The following PKIB variants were observed in gnomAD, a reference collection of about 807,000 sequenced individuals.
The protein encoded by PKIB is cAMP-dependent protein kinase inhibitor beta.
PKIB carries 2 observed loss-of-function variants against 4.5 expected under a neutral mutation model. That is an observed-to-expected ratio of 0.44 (90% CI 0.18 to 1.39). The LOEUF (loss-of-function observed/expected upper bound fraction) is 1.39, where lower values mean the gene tolerates loss of function less well. Among genes scored for constraint, PKIB ranks in the 40% most tolerant of loss-of-function variants. The probability of loss-of-function intolerance (pLI) is 0.27; values close to 1 mark genes in which losing one functional copy is unlikely to be tolerated. For missense variants in PKIB, 94 were observed against 92.6 expected (o/e 1.02, Z -0.06); for synonymous variants, 38 against 36.0 (o/e 1.06, Z -0.20).
intron 2 of PKIB, among the ~76,000 whole-genome samples, chr6:122,554,394 T>A (rs1193412417): frequency 1.3e-5 from 2 of 152,186 alleles, no homozygotes; most frequent in Admixed American, 1.3e-4. Context: ...TCAATAGAAA[T>A]ATAATGTTAA....
intron 2 of PKIB, among the ~76,000 whole-genome samples, chr6:122,489,391 GCACCTGCCAC>G (rs1160656953): frequency 2.6e-5 from 4 of 152,016 alleles, no homozygotes; most frequent in Non-Finnish European, 4.4e-5. Context: ...GGGATTACAG[GCACCTGCCAC>G]CACACCCAGC....
chr6:122,640,587 T>C (rs1364196202), intron 2 of PKIB, among the ~76,000 whole-genome samples: 1 of 152,178 alleles, frequency 6.6e-6, no homozygotes, highest in Non-Finnish European at 1.5e-5. Flanking sequence ...GTTCTAAGTA[T>C]CTGTGTTGTA....
At chr6:122,507,978 A>T (rs1776465361) in intron 2 of PKIB, among the ~76,000 whole-genome samples, 1 of 151,970 alleles carries the variant, frequency 6.6e-6, no homozygotes, top group Non-Finnish European at 1.5e-5. Flanking sequence ...AATATTTTTA[A>T]TTTTTTTAAT....
intron 3 of PKIB, among the ~76,000 whole-genome samples, chr6:122,699,528 G>A (rs1183918499): frequency 6.6e-6 from 1 of 152,096 alleles, no homozygotes; most frequent in Non-Finnish European, 1.5e-5. Context: ...TTTGTTCCAG[G>A]TTTAAGGACA....
chr6:122,657,944 TA>T (rs1333050894), intron 2 of PKIB, among the ~76,000 whole-genome samples: 1 of 152,232 alleles, frequency 6.6e-6, no homozygotes, highest in Non-Finnish European at 1.5e-5. Flanking sequence ...GCCTTAAAGA[TA>T]AACTCACAAA....
chr6:122,691,945 G>C (rs6420727), intron 3 of PKIB, among the ~76,000 whole-genome samples: 73,043 of 152,086 alleles, frequency 0.48, 18,311 homozygotes, highest in Non-Finnish European at 0.56. Flanking sequence ...TAGGCTTGTA[G>C]AGGTACCACA....
At chr6:122,565,601 C>T (rs1451612459) in intron 2 of PKIB, among the ~76,000 whole-genome samples, 1 of 152,072 alleles carries the variant, frequency 6.6e-6, no homozygotes, top group Non-Finnish European at 1.5e-5. Context: ...TGACAGGTAA[C>T]AGTTTAACCA....
At chr6:122,619,388 A>T (rs1775127130) in intron 1 of PKIB, among the ~76,000 whole-genome samples, 1 of 151,508 alleles carries the variant, frequency 6.6e-6, no homozygotes. Flanking sequence ...TAAAGTGGGG[A>T]TCTTACCTTA....
At chr6:122,545,051 T>C (rs556194264) in intron 2 of PKIB, among the ~76,000 whole-genome samples, 15 of 152,148 alleles carry the variant, frequency 9.9e-5, no homozygotes, top group African/African-American at 3.4e-4. Context: ...GGAATGTAAA[T>C]TTGTCCAGCC....
In PKIB at chr6:122,568,881, G is replaced by C. The variant is rs556436010; in HGVS notation, c.-247-17040G>C. 4.3e-4 allele frequency among the ~76,000 whole-genome samples: 66 copies of C among 152,190 alleles called. No homozygotes were observed. In the South Asian group the frequency reaches 1.0e-2, roughly 23 times the overall value. ...GTGGAAAGCTTATGGCCTCGGGCAG[G>C]TCTGAGTTCTGTGTGCAGACTGCCT... On this transcript the variant is annotated intron_variant, in intron 2 of 6. Coordinates refer to the PKIB transcript ENST00000392491.
At chr6:122,569,351 C>T (rs1290024393) in intron 2 of PKIB, among the ~76,000 whole-genome samples, 1 of 152,160 alleles carries the variant, frequency 6.6e-6, no homozygotes, top group African/African-American at 2.4e-5. Flanking sequence ...TGGCTGGAGG[C>T]CAACCAAAAC....
At chr6:122,543,643 G>C (rs970158896) in intron 2 of PKIB, among the ~76,000 whole-genome samples, 1 of 151,944 alleles carries the variant, frequency 6.6e-6, no homozygotes, top group African/African-American at 2.4e-5. Flanking sequence ...GTCTCCCAAA[G>C]TGCTGGGATT....
chr6:122,646,459 T>C (rs1055179364), intron 2 of PKIB, among the ~76,000 whole-genome samples: 3 of 152,254 alleles, frequency 2.0e-5, no homozygotes, highest in South Asian at 2.1e-4. Flanking sequence ...ATATTTGAAG[T>C]CAAAGAAAAA....
chr6:122,478,493 G>T (rs1043094531), intron 2 of PKIB: 3 of 152,248 alleles, frequency 2.0e-5, no homozygotes, highest in Middle Eastern at 3.4e-3. Context: ...CCATGGGAGG[G>T]TACTCCATAG....
At chr6:122,602,277 T>C (rs1422737885) in intron 3 of PKIB, among the ~76,000 whole-genome samples, 1 of 152,160 alleles carries the variant, frequency 6.6e-6, no homozygotes, top group Admixed American at 6.5e-5. Flanking sequence ...CAGTGTGGAC[T>C]TAAAACCACT....
intron 2 of PKIB, among the ~76,000 whole-genome samples, chr6:122,508,204 G>A (rs1776474234): frequency 6.6e-6 from 1 of 152,168 alleles, no homozygotes; most frequent in South Asian, 2.1e-4. Context: ...CTTTTTATAT[G>A]TGTTGTAGTC....
intron 2 of PKIB, among the ~76,000 whole-genome samples, chr6:122,582,062 A>C (rs1418286016): frequency 1.3e-5 from 2 of 152,094 alleles, no homozygotes; most frequent in Non-Finnish European, 2.9e-5. Context: ...TGATGTACAT[A>C]GCAGTTGCTT....
At chr6:122,485,677 G>C (rs576785973) in intron 2 of PKIB, among the ~76,000 whole-genome samples, 2 of 152,246 alleles carry the variant, frequency 1.3e-5, no homozygotes, top group African/African-American at 4.8e-5. Flanking sequence ...ATCTAGTAAG[G>C]ATGGCTAGTT....
chr6:122,582,438 A>G (rs113442062), intron 2 of PKIB, among the ~76,000 whole-genome samples: 5 of 152,218 alleles, frequency 3.3e-5, no homozygotes, highest in African/African-American at 1.2e-4. Flanking sequence ...AAAGGCCAAA[A>G]AATGTTTATA....
Sources: gnomAD v4.1 joint callset for allele counts (sites outside exome capture counted in the v4.1 genomes callset) on GRCh38, gnomAD v4.1.1 for gene constraint, MANE v1.5 for transcripts, NCBI Gene and HGNC (gene_info 2026-07-23, HGNC 2026-07-21) for gene names.